The following ST7 variants were observed in gnomAD, a reference collection of about 807,000 sequenced individuals.
The protein encoded by ST7 is suppression of tumorigenicity 7.
Under a neutral mutation model 78.7 loss-of-function variants are expected in ST7, and 28 were observed. The observed-to-expected ratio is 0.36, with a 90% CI of 0.26 to 0.49. The LOEUF is 0.49. Among genes scored for constraint, ST7 ranks in the 20% least tolerant of loss-of-function variants. ST7 has a pLI of 0.99. For synonymous variants in ST7, 247 were observed against 249.6 expected (o/e 0.99, Z 0.10); for missense variants, 418 against 696.0 (o/e 0.60, Z 4.49).
At chr7:116,980,781 T>C (rs1266963882) in intron 1 of ST7, among the ~76,000 whole-genome samples, 2 of 152,252 alleles carry the variant, frequency 1.3e-5, no homozygotes, top group African/African-American at 4.8e-5. Flanking sequence ...GTATATTTCA[T>C]ACAAACAAAG....
Position 117,054,153 on chromosome 7 carries a change from A to G in ST7, c.152-45609A>G, listed in dbSNP as rs150772057. ...GTGCCCGCCGGTCTAGACAGTTTTG[A>G]CCTTAGCTAGCTTTCCCACACTCTG... On this transcript the variant is annotated intron_variant, in intron 1 of 15. Coordinates refer to ENST00000323984, the MANE Select transcript of ST7 (RefSeq NM_001369598.1). Among the ~76,000 whole-genome samples the G allele has an allele frequency of 1.9e-3, 284 of 152,160 alleles. 3 individuals carry two copies. The East Asian group carries it at 0.033, about 18-fold the overall frequency.
chr7:117,145,206 A>G, intron 9 of ST7, among the ~76,000 whole-genome samples: 1 of 83,694 alleles, frequency 1.2e-5, no homozygotes, highest in South Asian at 2.9e-4. Context: ...CCCCATCTCA[A>G]AAAAAAAGTA....
intron 1 of ST7, among the ~76,000 whole-genome samples, chr7:117,055,255 C>T (rs560815565): frequency 1.3e-4 from 20 of 152,006 alleles, no homozygotes; most frequent in South Asian, 6.2e-4. Flanking sequence ...CAGGCTGTAG[C>T]GCAGTGGCAT....
At chr7:116,997,459 A>G (rs927969894) in intron 1 of ST7, among the ~76,000 whole-genome samples, 2 of 152,226 alleles carry the variant, frequency 1.3e-5, no homozygotes, top group African/African-American at 4.8e-5. Flanking sequence ...AAGTTCTCCA[A>G]GTCCCCACTA....
At chr7:116,968,624 C>G in intron 1 of ST7, 1 of 216,100 alleles carries the variant, frequency 4.6e-6, no homozygotes, top group Non-Finnish European at 9.9e-6. Context: ...GAATGATGAC[C>G]AAGACATGGT....
intron 1 of ST7, among the ~76,000 whole-genome samples, chr7:116,985,948 G>A (rs1012035226): frequency 2.6e-5 from 4 of 152,110 alleles, no homozygotes; most frequent in South Asian, 2.1e-4. Flanking sequence ...CTCTTATGTC[G>A]CAGCCTCGCA....
chr7:117,119,786 T>C (rs1472052180), intron 3 of ST7, 66 bp downstream of exon 3: 2 of 1,523,220 alleles, frequency 1.3e-6, no homozygotes, highest in Non-Finnish European at 1.8e-6. Flanking sequence ...TTGTTACTCA[T>C]ACTAAGAGAT....
chr7:116,959,082 A>G (rs1792686184), intron 1 of ST7: 1 of 432,598 alleles, frequency 2.3e-6, no homozygotes, highest in South Asian at 1.7e-5. Flanking sequence ...ATTGGAGTCA[A>G]TTTTATCACC....
At chr7:117,115,540 G>A (rs1171488659) in intron 2 of ST7, among the ~76,000 whole-genome samples, 1 of 152,038 alleles carries the variant, frequency 6.6e-6, no homozygotes, top group African/African-American at 2.4e-5. Flanking sequence ...TTTTTGTAGA[G>A]ATGGGGTTTC....
intron 5 of ST7, among the ~76,000 whole-genome samples, chr7:117,131,681 A>G (rs911631214): frequency 1.3e-5 from 2 of 151,920 alleles, no homozygotes; most frequent in African/African-American, 4.8e-5. Flanking sequence ...TGAGCACAAA[A>G]AAGGTTTGCT....
intron 1 of ST7, among the ~76,000 whole-genome samples, chr7:117,064,008 A>G (rs1195456271): frequency 1.3e-5 from 2 of 152,220 alleles, no homozygotes; most frequent in African/African-American, 4.8e-5. Flanking sequence ...AGATTTCCTC[A>G]TATTTCTTCA....
chr7:117,183,134 A>T (rs1253238052), intron 10 of ST7, among the ~76,000 whole-genome samples: 1 of 151,622 alleles, frequency 6.6e-6, no homozygotes, highest in African/African-American at 2.4e-5. Context: ...GTTTGTTTTA[A>T]TTTTTTATTG....
chr7:117,146,313 A>C (rs1256459004), intron 9 of ST7: 1 of 152,310 alleles, frequency 6.6e-6, no homozygotes, highest in Non-Finnish European at 1.5e-5. Context: ...GCCCTGAGGC[A>C]GCAGTATGTC....
intron 1 of ST7, among the ~76,000 whole-genome samples, chr7:117,092,738 T>C (rs927127138): frequency 9.2e-5 from 14 of 152,374 alleles, no homozygotes; most frequent in African/African-American, 3.1e-4. Context: ...AAGTCCCTGC[T>C]AGACTAACTT....
At chr7:116,971,135 G>C (rs1433739978) in intron 1 of ST7, among the ~76,000 whole-genome samples, 4 of 152,180 alleles carry the variant, frequency 2.6e-5, no homozygotes, top group African/African-American at 7.2e-5. Context: ...CCAGCCCACA[G>C]AGTGCAGAGG....
chr7:117,014,942 A>AT, intron 1 of ST7: 1 of 1,320,546 alleles, frequency 7.6e-7, no homozygotes, highest in Non-Finnish European at 9.8e-7. Context: ...GAGCCGTTTC[A>AT]TTTTCTGGCT....
intron 3 of ST7, among the ~76,000 whole-genome samples, chr7:117,120,605 C>A (rs1175678546): frequency 6.6e-6 from 1 of 152,182 alleles, no homozygotes; most frequent in Non-Finnish European, 1.5e-5. Context: ...TACAAGTCTC[C>A]CTTTTCCCTT....
intron 12 of ST7, among the ~76,000 whole-genome samples, chr7:117,206,229 C>T (rs961647814): frequency 6.6e-6 from 1 of 152,164 alleles, no homozygotes; most frequent in Admixed American, 6.5e-5. Flanking sequence ...AGAGTTGTTT[C>T]CTTGATGTAT....
chr7:117,139,504 C>T lies in ST7; in HGVS notation c.963+972C>T, dbSNP rs563647055. On this transcript the variant is annotated intron_variant, in intron 9 of 15. Transcript: ENST00000323984. ...AAAGACAGTTATTCTTGTGAATTCC[C>T]GGTTACTCTTTGGAGGAGGGAGCAC... Among the ~76,000 whole-genome samples the T allele has an allele frequency of 1.6e-4, 24 of 152,204 alleles. No homozygotes were observed. In the South Asian group the frequency reaches 2.3e-3, roughly 14 times the overall value.
Sources: allele counts gnomAD v4.1 joint callset (sites outside exome capture counted in the v4.1 genomes callset), GRCh38; gene constraint gnomAD v4.1.1; transcripts MANE v1.5; gene names NCBI Gene and HGNC (gene_info 2026-07-23, HGNC 2026-07-21).